The following SBNO1 variants were observed in gnomAD, a reference collection of about 807,000 sequenced individuals.
The protein encoded by SBNO1 is strawberry notch homolog 1, also known as protein strawberry notch homolog 1.
In SBNO1, 23 loss-of-function variants were observed where a neutral mutation model predicts 173.6. The observed-to-expected ratio is 0.13, with a 90% CI of 0.10 to 0.19. The LOEUF is 0.19. SBNO1 is among the 10% of genes least tolerant of loss of function. The pLI is 1.00. For synonymous variants in SBNO1, 632 were observed against 571.5 expected (o/e 1.11, Z -1.51); for missense variants, 1,238 against 1,671.2 (o/e 0.74, Z 4.52).
intron 30 of SBNO1, among the ~76,000 whole-genome samples, chr12:123,301,860 T>G (rs966134861): frequency 1.3e-5 from 2 of 151,824 alleles, no homozygotes; most frequent in Non-Finnish European, 2.9e-5. Flanking sequence ...GCCTAGGTGA[T>G]ATAGGGAGAC....
intron 24 of SBNO1, among the ~76,000 whole-genome samples, chr12:123,311,681 AAAC>A (rs1296306820): frequency 6.9e-6 from 1 of 144,140 alleles, no homozygotes; most frequent in Non-Finnish European, 1.5e-5. Context: ...TACTTATAAT[AAAC>A]AAGTAACCTA....
At chr12:123,325,684 A>G in intron 14 of SBNO1, 85 bp from the exon 15 acceptor site, 1 of 882,286 alleles carries the variant, frequency 1.1e-6, no homozygotes, top group Non-Finnish European at 1.8e-6. Flanking sequence ...TTAGCTAAAC[A>G]AAGATTTCAA....
intron 1 of SBNO1, among the ~76,000 whole-genome samples, chr12:123,360,463 G>A (rs1875011148): frequency 6.6e-6 from 1 of 151,702 alleles, no homozygotes. Context: ...TTTTTCTTTT[G>A]AGACAGAGTC....
intron 1 of SBNO1, among the ~76,000 whole-genome samples, chr12:123,362,481 G>T: frequency 6.8e-6 from 1 of 146,354 alleles, no homozygotes; most frequent in Admixed American, 6.9e-5. Context: ...ATTCTGACGG[G>T]GGGGCCAAGG....
chr12:123,293,842 T>G lies in SBNO1; in HGVS notation c.*2066A>C, dbSNP rs566759469. 2 of 152,322 alleles carry G rather than the reference T, an allele frequency of 1.3e-5. No homozygotes were observed. Among genetic ancestry groups the G allele is most frequent in the East Asian group, 3.9e-4 (2 of 5,180 alleles). The allele number at this position is 152,322 out of a possible 1,614,324, so 9.4% of individuals were successfully genotyped here. ...CCTGCGAGAGAAGATCCTTCCCAAC[T>G]CTGCCATTCTTACTGCAGGAGGGTT... On this transcript the variant is annotated 3_prime_UTR_variant, in exon 32 of 32. Coordinates refer to ENST00000602398, the MANE Select transcript of SBNO1 (RefSeq NM_001167856.3).
intron 3 of SBNO1, among the ~76,000 whole-genome samples, chr12:123,346,647 G>C (rs1452495183): frequency 2.7e-5 from 4 of 150,462 alleles, no homozygotes; most frequent in Non-Finnish European, 4.4e-5. Context: ...CTGGGCGACA[G>C]AGCGAGACTC....
In SBNO1 at chr12:123,291,584, A is replaced by G. The variant is rs1041523901; in HGVS notation, c.*4324T>C. Reference sequence around the variant, plus strand: ...CAATAAGACATAGTAAAAAACATTAACACAAAACAGGAATTCTACAGCAAA... The same window carrying G: ...CAATAAGACATAGTAAAAAACATTAGCACAAAACAGGAATTCTACAGCAAA... On this transcript the variant is annotated 3_prime_UTR_variant, in exon 32 of 32. Coordinates refer to ENST00000602398, the MANE Select transcript of SBNO1 (RefSeq NM_001167856.3). 1.3e-5 allele frequency: 2 copies of G among 152,098 alleles called. No homozygotes were observed. Among genetic ancestry groups the G allele is most frequent in the African/African-American group, 4.8e-5 (2 of 41,402 alleles). The allele number at this position is 152,098 out of a possible 1,614,324, so 9.4% of individuals were successfully genotyped here. A position where few individuals can be genotyped will look rare whatever the true frequency, so the allele number is the denominator to read the frequency against.
At chr12:123,320,076 GGT>G in intron 19 of SBNO1, 45 bp from the exon 20 acceptor site, 2 of 1,609,308 alleles carry the variant, frequency 1.2e-6, no homozygotes, top group Non-Finnish European at 1.7e-6. Flanking sequence ...ATCTGACTGC[GGT>G]GGATGGACTC....
Position 123,334,041 on chromosome 12 carries a change from A to T in SBNO1, c.909+12T>A. 1 of 1,529,550 alleles carries T rather than the reference A, an allele frequency of 6.5e-7. No homozygotes were observed. The allele number at this position is 1,529,550 out of a possible 1,614,324, so 94.7% of individuals were successfully genotyped here. ...TAAAATAATTATTGTATTATGAAAT[A>T]TTATTGCTTACCTGGGCTGCATATG... On this transcript the variant is annotated intron_variant, in intron 7 of 31. Transcript: ENST00000602398.
intron 16 of SBNO1, among the ~76,000 whole-genome samples, chr12:123,322,441 G>GC (rs1870094791): frequency 6.6e-6 from 1 of 152,034 alleles, no homozygotes; most frequent in Non-Finnish European, 1.5e-5. Flanking sequence ...ATTATAAGGC[G>GC]CCCCTGCCGC....
At chr12:123,297,400 CAAAAAAAA>C (rs59447456) in intron 31 of SBNO1, among the ~76,000 whole-genome samples, 10 of 31,514 alleles carry the variant, frequency 3.2e-4, no homozygotes, top group Admixed American at 1.2e-3. Context: ...TACTGGTGTC[CAAAAAAAA>C]AAAAAAAAAA....
At chr12:123,359,407 A>G (rs909246569) in intron 1 of SBNO1, among the ~76,000 whole-genome samples, 1 of 151,726 alleles carries the variant, frequency 6.6e-6, no homozygotes, top group African/African-American at 2.4e-5. Flanking sequence ...TAAATACACA[A>G]AAAAGGTAGC....
rs371760667 is a variant in SBNO1, at chr12:123,312,932, G to A, written c.3220+688C>T. Among the ~76,000 whole-genome samples, 29 of 152,000 alleles carry A rather than the reference G, an allele frequency of 1.9e-4. 1 individual carries two copies. Among genetic ancestry groups the A allele is most frequent in the African/African-American group, 6.3e-4 (26 of 41,442 alleles). ...TTAAAAGCTATTTGGGGCTGGGCAC[G>A]GTAGCTCATGCCTGTTAATTCCAGC... On this transcript the variant is annotated intron_variant, in intron 24 of 31. Coordinates refer to ENST00000602398, the MANE Select transcript of SBNO1 (RefSeq NM_001167856.3).
At position 123,289,301 on chromosome 12, in the gene SBNO1, A is replaced by G. The variant is rs951939011; in HGVS notation, c.*6607T>C. 5 of 152,266 alleles carry G rather than the reference A, an allele frequency of 3.3e-5. No individual in the cohort carries two copies. Among genetic ancestry groups the G allele is most frequent in the African/African-American group, 9.6e-5 (4 of 41,474 alleles). The allele number at this position is 152,266 out of a possible 1,614,324, so 9.4% of individuals were successfully genotyped here. A position where few individuals can be genotyped will look rare whatever the true frequency, so the allele number is the denominator to read the frequency against. ...GCATGAGACCAAATTTTTCAGTTAC[A>G]TATCAAAAATGATTGGGATAATCAA... On this transcript the variant is annotated 3_prime_UTR_variant, in exon 32 of 32. Transcript: ENST00000602398.
chr12:123,354,672 G>C (rs1393057726), intron 1 of SBNO1, among the ~76,000 whole-genome samples: 1 of 152,078 alleles, frequency 6.6e-6, no homozygotes, highest in Non-Finnish European at 1.5e-5. Flanking sequence ...TTACAAATAA[G>C]ACCTGTTCAT....
chr12:123,341,245 T>C (rs1262481155), intron 4 of SBNO1, among the ~76,000 whole-genome samples, 157 bp from the exon 5 acceptor site: 4 of 152,048 alleles, frequency 2.6e-5, no homozygotes, highest in African/African-American at 7.2e-5. Flanking sequence ...GGTCAGGAGT[T>C]CAAGACCAGC....
rs1325320084 is a variant in SBNO1 at position 123,293,368 on chromosome 12, G to C, written c.*2540C>G. 6.6e-6 allele frequency: 1 copy of C among 152,164 alleles called. No homozygotes were observed. Among genetic ancestry groups the C allele is most frequent in the Non-Finnish European group, 1.5e-5 (1 of 68,040 alleles). The allele number at this position is 152,164 out of a possible 1,614,324, so 9.4% of individuals were successfully genotyped here. A position where few individuals can be genotyped will look rare whatever the true frequency, so the allele number is the denominator to read the frequency against. ...AGTGAGCCACCACGCCCGGCTACGA[G>C]TTGGGTTTTAACAGAAGAGGACCTT... On this transcript the variant is annotated 3_prime_UTR_variant, in exon 32 of 32. Transcript: ENST00000602398.
chr12:123,319,203 G>C (rs377059866), intron 20 of SBNO1, among the ~76,000 whole-genome samples: 5 of 152,152 alleles, frequency 3.3e-5, no homozygotes, highest in East Asian at 1.9e-4. Flanking sequence ...CTGACCTCAT[G>C]ATCTGCCCAT....
intron 3 of SBNO1, among the ~76,000 whole-genome samples, chr12:123,346,757 T>C (rs1873204566): frequency 6.6e-6 from 1 of 151,968 alleles, no homozygotes; most frequent in South Asian, 2.1e-4. Context: ...GTGTTATATA[T>C]CTTCACGTAC....
Sources: gnomAD v4.1 joint callset for allele counts (sites outside exome capture counted in the v4.1 genomes callset) on GRCh38, gnomAD v4.1.1 for gene constraint, MANE v1.5 for transcripts, NCBI Gene and HGNC (gene_info 2026-07-23, HGNC 2026-07-21) for gene names.